ASAP3: variants seen among roughly 807,000 people sequenced by gnomAD.
The protein encoded by ASAP3 is arf-GAP with SH3 domain, ANK repeat and PH domain-containing protein 3.
A neutral mutation model predicts 118.2 loss-of-function variants in ASAP3; 85 were observed. That is an observed-to-expected ratio of 0.72 (90% CI 0.60 to 0.86). ASAP3 has a LOEUF of 0.86. Ranked by LOEUF, ASAP3 falls within the 40% of genes least tolerant of loss-of-function variation. ASAP3 has a pLI of 0.00. For synonymous variants in ASAP3, 432 were observed against 477.4 expected, an observed-to-expected ratio of 0.90 and a Z score of 1.24; for missense variants, 1,026 against 1,175.0, an observed-to-expected ratio of 0.87 and a Z score of 1.85.
Position 23,438,941 on chromosome 1 carries a change from TTG to T in ASAP3, c.1015-109_1015-108del. ...AATGGGCATAATCATCCTGTTCCATTTGTGTTTCTCCTCACCCAGCAGCACCT... is the reference window on the plus strand; with the variant it reads ...AATGGGCATAATCATCCTGTTCCATTTGTTTCTCCTCACCCAGCAGCACCT... On this transcript the variant is annotated intron_variant, in intron 11 of 24. Transcript: ENST00000336689. The surrounding 1 kb of genome is among the most constrained non-coding windows in gnomAD (Gnocchi z 4.9). 3.1e-6 allele frequency: 4 copies of T among 1,272,168 alleles called. No individual in the cohort carries two copies. The highest frequency in any genetic ancestry group is 4.5e-6 in the Non-Finnish European group (4 of 889,030). 78.8% of individuals were successfully genotyped at this position (1,272,168 alleles called of 1,614,324 possible). A position where few individuals can be genotyped will look rare whatever the true frequency, so the allele number is the denominator to read the frequency against.
At chr1:23,442,680 G>T in intron 5 of ASAP3, 68 bp from the exon 6 acceptor site, 1 of 1,561,778 alleles carries the variant, frequency 6.4e-7, no homozygotes. Flanking sequence ...TGCCAAGGAT[G>T]CATGAGCAAA....
At chr1:23,454,185 A>T (rs946277328) in intron 3 of ASAP3, among the ~76,000 whole-genome samples, 3 of 100,100 alleles carry the variant, frequency 3.0e-5, no homozygotes, top group Admixed American at 1.1e-4. Context: ...CACACCTGGC[A>T]TTTTTTTTTT....
chr1:23,433,718 C>G, intron 19 of ASAP3, 25 bp from the exon 20 acceptor site: 1 of 1,613,912 alleles, frequency 6.2e-7, no homozygotes, highest in Non-Finnish European at 8.5e-7. Flanking sequence ...AGTCAGGGTT[C>G]ATGGTCATAG....
rs941896401 is a variant in ASAP3, at chr1:23,439,070, T to C, written c.1014+91A>G. 2.6e-6 allele frequency: 4 copies of C among 1,517,536 alleles called. No homozygotes were observed. In the African/African-American group the frequency reaches 5.5e-5, roughly 21 times the overall value. The allele number at this position is 1,517,536 out of a possible 1,614,324, so 94.0% of individuals were successfully genotyped here. ...CCCTGGACCTAGGTTTGGGGGCCAG[T>C]CTTAGAGGGAGGGCTTGACATTATT... On this transcript the variant is annotated intron_variant, in intron 11 of 24. Coordinates refer to ENST00000336689, the MANE Select transcript of ASAP3 (RefSeq NM_017707.4).
Position 23,429,878 on chromosome 1 carries a change from G to C in ASAP3, c.2690C>G (p.Ser897Cys). ...GSRTGSLPAS[S>C]VQLLQD is the part of the protein sequence containing the mutation. ...GAGCTAGTCTTGCAAAAGTTGCACAGAACTTGCTGGGAGACTCCCAGTCCT... is the reference window on the plus strand; with the variant it reads ...GAGCTAGTCTTGCAAAAGTTGCACACAACTTGCTGGGAGACTCCCAGTCCT... Residue 897 changes from serine (S) to cysteine (C), a missense_variant, in exon 25 of 25, where the codon TCT (serine) becomes TGT (cysteine). Physicochemically the swap from Ser to Cys is moderately radical, Grantham distance 112. Coordinates refer to ENST00000336689, the MANE Select transcript of ASAP3 (RefSeq NM_017707.4). 1.2e-6 allele frequency: 2 copies of C among 1,613,964 alleles called. No homozygotes were observed. The highest frequency in any genetic ancestry group is 8.5e-7 in the Non-Finnish European group (1 of 1,179,944).
At chr1:23,467,910 C>T (rs1455216219) in intron 1 of ASAP3, among the ~76,000 whole-genome samples, 1 of 149,714 alleles carries the variant, frequency 6.7e-6, no homozygotes, top group Non-Finnish European at 1.5e-5. Context: ...CGAGATCACG[C>T]CACTGCACTC....
At chr1:23,435,292 G>A (rs534830118) in intron 17 of ASAP3, among the ~76,000 whole-genome samples, 3 of 152,328 alleles carry the variant, frequency 2.0e-5, no homozygotes, top group African/African-American at 7.2e-5. Flanking sequence ...GCCTCCCAAA[G>A]TGTTGGGATT....
At chr1:23,456,890 G>A (rs1250874836) in intron 1 of ASAP3, among the ~76,000 whole-genome samples, 1 of 152,126 alleles carries the variant, frequency 6.6e-6, no homozygotes, top group African/African-American at 2.4e-5. Context: ...GAACTGGAGA[G>A]ACAACACCAG....
intron 10 of ASAP3, among the ~76,000 whole-genome samples, chr1:23,440,482 C>A (rs113241483): frequency 9.8e-6 from 1 of 101,946 alleles, no homozygotes; most frequent in Admixed American, 1.5e-4. Context: ...GCCTGGGTGA[C>A]GGAGGGAGAC....
At chr1:23,444,296 G>A (rs988050611) in intron 5 of ASAP3, among the ~76,000 whole-genome samples, 8 of 152,184 alleles carry the variant, frequency 5.3e-5, no homozygotes, top group Middle Eastern at 3.2e-3. Flanking sequence ...GTGTGTAAAT[G>A]GTTTCCTGGA....
rs72867724 is a variant in ASAP3, at chr1:23,459,540, T to C, written c.130-3346A>G. ...CAATCAGATTCTCTCTCCAAGGACT[T>C]TGGAATTGGGCTCTGGAAAGCTAGT... On this transcript the variant is annotated intron_variant, in intron 1 of 24. Transcript: ENST00000336689. Among the ~76,000 whole-genome samples the C allele has an allele frequency of 7.6e-3, 1,151 of 152,258 alleles. 19 individuals are homozygous for C. The highest frequency in any genetic ancestry group is 0.026 in the African/African-American group (1,100 of 41,554).
chr1:23,483,227 T>A (rs1351365185), intron 1 of ASAP3, among the ~76,000 whole-genome samples: 1 of 152,166 alleles, frequency 6.6e-6, no homozygotes. Context: ...ATTGAGGGCA[T>A]CCTTTGGATG....
rs1558115674 is a variant in ASAP3, at chr1:23,436,608, G to A, written c.1523C>T (p.Ala508Val). ...AGGGCCGCCGTGTGAGGGTAGCTGG[G>A]CCTCCATGACCTCATTGAAGCTCGT... ...GNTSFNEVME[A>V]QLPSHGGPKP... The change falls in exon 16 of 25, where the codon GCC (alanine) becomes GTC (valine). Residue 508 changes from alanine to valine, a missense_variant. Coordinates refer to ENST00000336689, the MANE Select transcript of ASAP3 (RefSeq NM_017707.4). The surrounding 1 kb of genome is among the most constrained non-coding windows in gnomAD (Gnocchi z 4.2). The A allele has an allele frequency of 1.9e-6, 3 of 1,614,228 alleles. No homozygotes were observed. Among genetic ancestry groups the A allele is most frequent in the Non-Finnish European group, 2.5e-6 (3 of 1,180,042 alleles).
intron 4 of ASAP3, among the ~76,000 whole-genome samples, chr1:23,452,377 G>A (rs1641244269): frequency 6.6e-6 from 1 of 152,208 alleles, no homozygotes; most frequent in South Asian, 2.1e-4. Flanking sequence ...TCCTAGTTAT[G>A]TAAACCATCA....
intron 1 of ASAP3, among the ~76,000 whole-genome samples, chr1:23,459,794 A>T (rs760282930): frequency 1.3e-5 from 2 of 152,136 alleles, no homozygotes; most frequent in African/African-American, 4.8e-5. Context: ...AATCCACCCA[A>T]CGAAGTTCCT....
chr1:23,437,068 C>T lies in ASAP3; in HGVS notation c.1343-24G>A, dbSNP rs746571464. 126 of 1,604,858 alleles carry T rather than the reference C, an allele frequency of 7.9e-5. No homozygotes were observed. Among genetic ancestry groups the T allele is most frequent in the Non-Finnish European group, 1.0e-4 (121 of 1,175,756 alleles). On this transcript the variant is annotated intron_variant, in intron 14 of 24. Coordinates refer to ENST00000336689, the MANE Select transcript of ASAP3 (RefSeq NM_017707.4). The surrounding 1 kb of genome is among the most constrained non-coding windows in gnomAD (Gnocchi z 6.1). ...GTCTGCAGAGGAAAGCAGCTGGAGCCTGGAGGTGCAGCCCCTCCCCTCCAC... is the reference window on the plus strand; with the variant it reads ...GTCTGCAGAGGAAAGCAGCTGGAGCTTGGAGGTGCAGCCCCTCCCCTCCAC...
chr1:23,478,080 C>A (rs1642190973), intron 1 of ASAP3, among the ~76,000 whole-genome samples: 1 of 152,238 alleles, frequency 6.6e-6, no homozygotes, highest in South Asian at 2.1e-4. Flanking sequence ...CACTGGTCCA[C>A]ACCGCCCAAC....
Position 23,476,531 on chromosome 1 carries a change from G to A in ASAP3, c.129+7474C>T, listed in dbSNP as rs182711596. On this transcript the variant is annotated intron_variant, in intron 1 of 24. Coordinates refer to ENST00000336689, the MANE Select transcript of ASAP3 (RefSeq NM_017707.4). ...CATCTCTTCCCTAAATAACAGAATG[G>A]CCTCCTTGGGTCCTCTCCTGGCCCT... 5.9e-5 allele frequency among the ~76,000 whole-genome samples: 9 copies of A among 152,164 alleles called. No individual in the cohort carries two copies. In the East Asian group the frequency reaches 1.5e-3, roughly 26 times the overall value.
intron 23 of ASAP3, 77 bp from the exon 24 acceptor site, chr1:23,431,202 A>T: frequency 6.9e-7 from 1 of 1,443,866 alleles, no homozygotes; most frequent in Non-Finnish European, 9.5e-7. Context: ...GCTCAGGAAC[A>T]GAGCCAGTCT....
Sources: gnomAD v4.1 joint callset for allele counts (sites outside exome capture counted in the v4.1 genomes callset) on GRCh38, gnomAD v4.1.1 for gene constraint, Gnocchi (gnomAD v3.1) non-coding constraint, MANE v1.5 for transcripts, NCBI Gene and HGNC (gene_info 2026-07-23, HGNC 2026-07-21) for gene names.